The following PLXNA2 variants were observed in gnomAD, a reference collection of about 807,000 sequenced individuals.
The protein encoded by PLXNA2 is plexin A2.
A neutral mutation model predicts 193.5 loss-of-function variants in PLXNA2; 91 were observed. The observed-to-expected ratio is 0.47, with a 90% CI of 0.40 to 0.56. The LOEUF is 0.56. Ranked by LOEUF, PLXNA2 falls within the 20% of genes least tolerant of loss-of-function variation. PLXNA2 has a pLI of 0.00. For synonymous variants in PLXNA2, 997 were observed against 1,027.3 expected (o/e 0.97, Z 0.56); for missense variants, 1,995 against 2,503.2 (o/e 0.80, Z 4.33).
rs912032088 is a variant in PLXNA2, at chr1:208,031,985, G to GCCACATT, written c.5056-233_5056-227dup. ...GGAAGAATCTCTCCTCCAACCTGCA[G>GCCACATT]CCACATTCCACATTCCACACAGGGT... On this transcript the variant is annotated intron_variant, in intron 28 of 31. Transcript: ENST00000367033. The GCCACATT allele has an allele frequency of 1.5e-5, 15 of 985,092 alleles. No homozygotes were observed. The South Asian group carries it at 3.8e-4, about 25-fold the overall frequency. 61.0% of individuals were successfully genotyped at this position (985,092 alleles called of 1,614,324 possible).
chr1:208,174,425 A>G (rs1669595156), intron 3 of PLXNA2, among the ~76,000 whole-genome samples: 2 of 147,410 alleles, frequency 1.4e-5, no homozygotes, highest in Non-Finnish European at 3.0e-5. Flanking sequence ...GGGTGGGAGG[A>G]GGTAAGGGCT....
chr1:208,046,211 G>A, intron 17 of PLXNA2, 94 bp from the exon 18 acceptor site: 1 of 1,427,200 alleles, frequency 7.0e-7, no homozygotes, highest in Non-Finnish European at 9.4e-7. Context: ...CTGCTTTTGT[G>A]CCTCGTCACT....
intron 16 of PLXNA2, 56 bp downstream of exon 16, chr1:208,051,200 C>T: frequency 6.3e-7 from 1 of 1,593,066 alleles, no homozygotes; most frequent in Non-Finnish European, 8.6e-7. Flanking sequence ...CAGACTTGGG[C>T]TGCAGGGATC....
At chr1:208,204,610 C>T (rs1670657233) in intron 3 of PLXNA2, among the ~76,000 whole-genome samples, 2 of 152,202 alleles carry the variant, frequency 1.3e-5, no homozygotes, top group Admixed American at 1.3e-4. Context: ...CCGTTGGTGT[C>T]TGATTCTATT....
At chr1:208,043,615 A>G (rs1249504656) in intron 20 of PLXNA2, among the ~76,000 whole-genome samples, 4 of 152,156 alleles carry the variant, frequency 2.6e-5, no homozygotes, top group African/African-American at 9.7e-5. Context: ...AAGATGCAAA[A>G]GCCTAGGGGA....
At position 208,030,265 on chromosome 1, in the gene PLXNA2, G is replaced by T. The variant is rs535843182; in HGVS notation, c.5226-1223C>A. 75 of 985,476 alleles carry T rather than the reference G, an allele frequency of 7.6e-5. No homozygotes were observed. In the East Asian group the frequency reaches 1.6e-3, roughly 21 times the overall value. 61.0% of individuals were successfully genotyped at this position (985,476 alleles called of 1,614,324 possible). A position where few individuals can be genotyped will look rare whatever the true frequency, so the allele number is the denominator to read the frequency against. The stretch of plus-strand genomic sequence containing the variant: ...CTTTCCCTGGACATTTGCTATTGAG[G>T]TCTGGTTAAGGAAACTCTCTCCACA... On this transcript the variant is annotated intron_variant, in intron 29 of 31. Transcript: ENST00000367033.
rs201569933 is a variant in PLXNA2, at chr1:208,044,647, G to A, written c.3735C>T (p.Gly1245=). The A allele has an allele frequency of 2.1e-4, 342 of 1,614,070 alleles. 3 individuals carry two copies. Among genetic ancestry groups the A allele is most frequent in the South Asian group, 1.4e-3 (123 of 91,078 alleles). The part of the protein sequence containing the change: ...TLPAIVSIAA[G]GSLLLIIVII... ...TGACGATGATGAGGAGGAGGCTGCC[G>A]CCGGCCGCGATGCTGACGATGGCTG... The change falls in exon 20 of 32, where the codon GGC becomes GGT. Residue 1245 remains glycine, a synonymous_variant. Transcript: ENST00000367033. This position sits in a 1 kb window ranked among gnomAD's most constrained non-coding sequence, Gnocchi z 4.9.
chr1:208,054,766 C>T (rs974786591), intron 13 of PLXNA2, among the ~76,000 whole-genome samples: 3 of 152,226 alleles, frequency 2.0e-5, no homozygotes, highest in African/African-American at 7.2e-5. Context: ...ATCTCTAAAG[C>T]CCTGTGTGCC....
At chr1:208,054,844 G>C (rs1379837782) in intron 13 of PLXNA2, among the ~76,000 whole-genome samples, 3 of 152,208 alleles carry the variant, frequency 2.0e-5, no homozygotes. Flanking sequence ...GCAGTGCCTG[G>C]CATTGGGTAG....
Position 208,082,331 on chromosome 1 carries a change from T to A in PLXNA2, c.2395+81A>T. ...AGTGTATTATTCATGGCACAGCGGC[T>A]GGCTGGCTCTGATCCCTCTAGCCCC... On this transcript the variant is annotated intron_variant, in intron 11 of 31. Transcript: ENST00000367033. This position sits in a 1 kb window ranked among gnomAD's most constrained non-coding sequence, Gnocchi z 4.2. 1 of 1,052,148 alleles carries A rather than the reference T, an allele frequency of 9.5e-7. No homozygotes were observed. Among genetic ancestry groups the A allele is most frequent in the East Asian group, 2.5e-5 (1 of 39,448 alleles). 65.2% of individuals were successfully genotyped at this position (1,052,148 alleles called of 1,614,324 possible). A position where few individuals can be genotyped will look rare whatever the true frequency, so the allele number is the denominator to read the frequency against.
chr1:208,225,163 G>T (rs1307131513), intron 1 of PLXNA2, among the ~76,000 whole-genome samples: 1 of 152,190 alleles, frequency 6.6e-6, no homozygotes, highest in Non-Finnish European at 1.5e-5. Flanking sequence ...GGGCACAAGT[G>T]CAGGGGCTGG....
rs146501199 is a variant in PLXNA2, at chr1:208,177,451, A to C, written c.1371+32829T>G. Among the ~76,000 whole-genome samples the C allele has an allele frequency of 1.6e-3, 241 of 152,360 alleles. 1 individual carries two copies. Among genetic ancestry groups the C allele is most frequent in the Middle Eastern group, 6.8e-3 (2 of 294 alleles). On this transcript the variant is annotated intron_variant, in intron 3 of 31. Coordinates refer to ENST00000367033, the MANE Select transcript of PLXNA2 (RefSeq NM_025179.4). ...TAATAATTACAGATACCTCAGGATT[A>C]TTTATGAGGATTAAAAGAGTTAATA...
Position 208,063,682 on chromosome 1 carries a change from C to T in PLXNA2, c.2587-2845G>A, listed in dbSNP as rs1269590409. 2.0e-5 allele frequency among the ~76,000 whole-genome samples: 3 copies of T among 152,090 alleles called. No individual in the cohort carries two copies. The East Asian group carries it at 5.8e-4, about 29-fold the overall frequency. On this transcript the variant is annotated intron_variant, in intron 12 of 31. Coordinates refer to ENST00000367033, the MANE Select transcript of PLXNA2 (RefSeq NM_025179.4). ...TGCTGCCAGCACCCAGGGTAGGTGG[C>T]AAGGGAGTTCAGGAGACAACTAAGC...
chr1:208,199,662 G>A (rs535995994), intron 3 of PLXNA2, among the ~76,000 whole-genome samples: 9 of 150,188 alleles, frequency 6.0e-5, no homozygotes, highest in Non-Finnish European at 1.3e-4. Context: ...CTGCACTCCA[G>A]CCTGGTGACA....
chr1:208,236,211 C>T lies in PLXNA2; in HGVS notation c.-81+7432G>A, dbSNP rs1235267688. Among the ~76,000 whole-genome samples, 3 of 152,150 alleles carry T rather than the reference C, an allele frequency of 2.0e-5. No individual in the cohort carries two copies. Among genetic ancestry groups the T allele is most frequent in the Non-Finnish European group, 2.9e-5 (2 of 68,028 alleles). On this transcript the variant is annotated intron_variant, in intron 1 of 31. Coordinates refer to ENST00000367033, the MANE Select transcript of PLXNA2 (RefSeq NM_025179.4). This position sits in a 1 kb window ranked among gnomAD's most constrained non-coding sequence, Gnocchi z 4.4. ...TTGGGCTGGGCTCCCGCTAAGAACGCTGTTCTCAGTGAAATTCAAAAAATT... is the reference window on the plus strand; with the variant it reads ...TTGGGCTGGGCTCCCGCTAAGAACGTTGTTCTCAGTGAAATTCAAAAAATT...
chr1:208,096,658 T>C (rs2102408469), intron 7 of PLXNA2, 72 bp downstream of exon 7: 3 of 1,551,762 alleles, frequency 1.9e-6, no homozygotes, highest in East Asian at 4.5e-5. Flanking sequence ...GTGTGCCTAG[T>C]TCTTGTGACC....
At chr1:208,161,610 G>C (rs1354442363) in intron 3 of PLXNA2, among the ~76,000 whole-genome samples, 3 of 152,172 alleles carry the variant, frequency 2.0e-5, no homozygotes, top group African/African-American at 4.8e-5. Flanking sequence ...TGGTGCACGA[G>C]TGTCCTTGGG....
At chr1:208,201,010 GGTA>G (rs1390728929) in intron 3 of PLXNA2, among the ~76,000 whole-genome samples, 1 of 152,202 alleles carries the variant, frequency 6.6e-6, no homozygotes, top group Non-Finnish European at 1.5e-5. Context: ...GTACAGGAGT[GGTA>G]GTAGTAATAC....
chr1:208,041,723 C>T (rs1664876921), intron 22 of PLXNA2, among the ~76,000 whole-genome samples: 1 of 152,196 alleles, frequency 6.6e-6, no homozygotes, highest in South Asian at 2.1e-4. Flanking sequence ...GCTCTAGAGG[C>T]ACCGGGAGGA....
Sources: allele counts gnomAD v4.1 joint callset (sites outside exome capture counted in the v4.1 genomes callset), GRCh38; gene constraint gnomAD v4.1.1; non-coding constraint Gnocchi (gnomAD v3.1); transcripts MANE v1.5; gene names NCBI Gene and HGNC (gene_info 2026-07-23, HGNC 2026-07-21).